Variants in KCNN1 observed in about 807,000 individuals in gnomAD.
The protein encoded by KCNN1 is small conductance calcium-activated potassium channel protein 1.
Under a neutral mutation model 44.7 loss-of-function variants are expected in KCNN1, and 20 were observed. The observed-to-expected ratio is 0.45, with a 90% confidence interval of 0.32 to 0.65. The LOEUF (loss-of-function observed/expected upper bound fraction) is 0.65. KCNN1 is among the 30% of genes least tolerant of loss of function. The pLI is 0.05. For synonymous variants in KCNN1, 324 were observed against 341.7 expected (o/e 0.95, Z 0.57); for missense variants, 632 against 785.3 (o/e 0.80, Z 2.33).
intron 3 of KCNN1, among the ~76,000 whole-genome samples, chr19:17,977,313 T>C (rs906459598): frequency 6.6e-5 from 10 of 151,932 alleles, no homozygotes; most frequent in Non-Finnish European, 1.5e-4. Context: ...CCAGTCATTA[T>C]TGGATTAGGG....
intron 7 of KCNN1, among the ~76,000 whole-genome samples, chr19:17,992,006 T>C (rs542063400): frequency 6.6e-6 from 1 of 152,228 alleles, no homozygotes; most frequent in Non-Finnish European, 1.5e-5. Context: ...AATTTTAAAT[T>C]TGCTAACAGC....
rs747434042 is a variant in KCNN1, at chr19:17,960,821, G to A, written c.-82+6140G>A. 1.6e-4 allele frequency among the ~76,000 whole-genome samples: 25 copies of A among 151,840 alleles called. 1 individual carries two copies. The highest frequency in any genetic ancestry group is 1.5e-5 in the Non-Finnish European group (1 of 67,968). On this transcript the variant is annotated intron_variant, in intron 2 of 10. Coordinates refer to the KCNN1 transcript ENST00000222249. Reference sequence around the variant, plus strand: ...CTTTGGCTGTGTCACCCCCACCTCTGTCTCTGTTTTCACATGACCTTCTCC... The same window carrying A: ...CTTTGGCTGTGTCACCCCCACCTCTATCTCTGTTTTCACATGACCTTCTCC...
rs773831134 is a variant in KCNN1 at position 17,988,482 on chromosome 19, A to G, written c.1127A>G (p.Lys376Arg). The G allele has an allele frequency of 1.2e-6, 2 of 1,613,834 alleles. No individual in the cohort carries two copies. Among genetic ancestry groups the G allele is most frequent in the South Asian group, 2.2e-5 (2 of 91,042 alleles). ...ARKLELTKAEKHVHNFMMDTQ... is the reference protein window; with the variant it reads ...ARKLELTKAERHVHNFMMDTQ... The stretch of plus-strand genomic sequence containing the variant: ...AAGCTGGAGCTCACCAAGGCTGAGA[A>G]GCACGTGCACAACTTCATGATGGAC... The change falls in exon 6 of 10, where the codon AAG (lysine) becomes AGG (arginine). Residue 376 changes from lysine to arginine, a missense_variant. Coordinates refer to ENST00000684775, the MANE Select transcript of KCNN1 (RefSeq NM_001386974.1).
intron 1 of KCNN1, among the ~76,000 whole-genome samples, chr19:17,954,014 T>C (rs1453244839): frequency 6.6e-6 from 1 of 152,098 alleles, no homozygotes; most frequent in Non-Finnish European, 1.5e-5. Context: ...GAAAGACAGA[T>C]AAAGCATTCA....
chr19:17,967,286 C>T lies in KCNN1; in HGVS notation c.-113C>T, dbSNP rs1400716862. On this transcript the variant is annotated 5_prime_UTR_variant, in exon 1 of 10. Transcript: ENST00000684775. ...CCGCGCGGGACCCTCTCCCCTCCAG[C>T]CTTGTCCGCCCGCTCGGGCCGAGCC... 4.1e-6 allele frequency: 4 copies of T among 985,376 alleles called. No individual in the cohort carries two copies. The highest frequency in any genetic ancestry group is 4.6e-5 in the South Asian group (1 of 21,690). 61.0% of individuals were successfully genotyped at this position (985,376 alleles called of 1,614,324 possible).
upstream of KCNN1, among the ~76,000 whole-genome samples, chr19:17,964,558 G>A (rs2031754073): frequency 6.6e-6 from 1 of 152,242 alleles, no homozygotes; most frequent in Non-Finnish European, 1.5e-5. The surrounding 1 kb of genome is among the most constrained non-coding windows in gnomAD (Gnocchi z 4.3). Flanking sequence ...CTGCCTGACA[G>A]GCTCACTTGC....
intron 1 of KCNN1, among the ~76,000 whole-genome samples, chr19:17,967,892 T>A (rs1057413710): frequency 7.2e-5 from 11 of 151,806 alleles, no homozygotes; most frequent in African/African-American, 2.7e-4. Context: ...GGAGGCAGCC[T>A]CCAGGAGAGC....
Position 17,989,849 on chromosome 19 carries a change from T to C in KCNN1, c.1298+6T>C. 2 of 1,612,494 alleles carry C rather than the reference T, an allele frequency of 1.2e-6. No homozygotes were observed. Among genetic ancestry groups the C allele is most frequent in the Non-Finnish European group, 1.7e-6 (2 of 1,179,198 alleles). On this transcript the variant is annotated splice_donor_region_variant and intron_variant, in intron 7 of 9. Transcript: ENST00000684775. ...TTCCTCCAAGCCATCCATCAGTAAG[T>C]CCAGCACCTTTCCAGCTCACGTTTC...
chr19:17,982,161 C>G, intron 4 of KCNN1, 34 bp downstream of exon 4: 1 of 1,461,306 alleles, frequency 6.8e-7, no homozygotes, highest in Non-Finnish European at 9.1e-7. Flanking sequence ...CCCCCAGCCC[C>G]CAGCCCCCGT....
chr19:17,952,090 T>A (rs2031424719), intron 1 of KCNN1: 1 of 152,128 alleles, frequency 6.6e-6, no homozygotes, highest in South Asian at 2.1e-4. Context: ...ATTCCATCCC[T>A]GCTTTAGAGG....
At chr19:17,979,462 G>C (rs1164634954) in intron 3 of KCNN1, among the ~76,000 whole-genome samples, 1 of 134,812 alleles carries the variant, frequency 7.4e-6, no homozygotes, top group African/African-American at 2.8e-5. Flanking sequence ...AAAGGAAGGA[G>C]TTAGAGGCTC....
Position 17,998,344 on chromosome 19 carries a change from G to T in KCNN1, c.1570G>T (p.Asp524Tyr). ...LPPRPGPGPQ[D>Y]QAARSSPCRW... ...TCCCAGGCCCGGCCCCGGCCCCCAA[G>T]ACCAGGCAGCCCGGAGCTCCCCCTG... is the stretch of plus-strand genomic sequence containing the variant. The change falls in exon 10 of 10, where the codon GAC (aspartate) becomes TAC (tyrosine). Residue 524 changes from aspartate to tyrosine, a missense_variant. Physicochemically the swap from Asp to Tyr is radical, Grantham distance 160 (BLOSUM62 -3). Transcript: ENST00000684775. This position sits in a 1 kb window ranked among gnomAD's most constrained non-coding sequence, Gnocchi z 5.4. 6.6e-7 allele frequency: 1 copy of T among 1,521,462 alleles called. No individual in the cohort carries two copies. The highest frequency in any genetic ancestry group is 1.2e-5 in the South Asian group (1 of 83,044). 94.2% of individuals were successfully genotyped at this position (1,521,462 alleles called of 1,614,324 possible).
upstream of KCNN1, among the ~76,000 whole-genome samples, chr19:17,965,760 C>T (rs997440988): frequency 2.6e-5 from 4 of 152,144 alleles, no homozygotes; most frequent in Non-Finnish European, 4.4e-5. Flanking sequence ...TATCCAACCC[C>T]GCCTGGTACC....
chr19:17,962,523 T>C (rs958697432), upstream of KCNN1, among the ~76,000 whole-genome samples: 3 of 151,896 alleles, frequency 2.0e-5, no homozygotes, highest in African/African-American at 7.3e-5. Flanking sequence ...TGCCTTAGAG[T>C]ACAAGTCCTG....
In KCNN1 at chr19:17,988,420, T is replaced by C; in HGVS notation, c.1065T>C (p.Ala355=). 6.2e-7 allele frequency: 1 copy of C among 1,611,726 alleles called. No homozygotes were observed. Among genetic ancestry groups the C allele is most frequent in the Non-Finnish European group, 8.5e-7 (1 of 1,179,002 alleles). Residue 355 remains alanine (A), a synonymous_variant, in exon 6 of 10, where the codon GCT becomes GCC. Transcript: ENST00000684775. The part of the protein sequence containing the change: ...GVCLLTGIMG[A]GCTALVVAVV... Reference sequence around the variant, plus strand: ...CCCCTCTGCCCTGCACACAGGGAGCTGGCTGTACCGCGCTCGTGGTGGCTG... The same window carrying C: ...CCCCTCTGCCCTGCACACAGGGAGCCGGCTGTACCGCGCTCGTGGTGGCTG...
At chr19:17,986,788 C>T (rs1362836601) in intron 5 of KCNN1, among the ~76,000 whole-genome samples, 6 of 150,448 alleles carry the variant, frequency 4.0e-5, no homozygotes, top group African/African-American at 1.5e-4. Flanking sequence ...TAAGCAACTG[C>T]ACCTGGCCCA....
At position 18,000,043 on chromosome 19, in the gene KCNN1, G is replaced by A. The variant is rs547835767; in HGVS notation, c.*1637G>A. 29 of 455,926 alleles carry A rather than the reference G, an allele frequency of 6.4e-5. No homozygotes were observed. The highest frequency in any genetic ancestry group is 4.3e-4 in the South Asian group (28 of 64,554). The allele number at this position is 455,926 out of a possible 1,614,324, so 28.2% of individuals were successfully genotyped here. ...CTAAAAAGGGCCAGGCAACTGGTAGGTGCTCAATAAATGCTCCTTCCCGCC... is the reference window on the plus strand; with the variant it reads ...CTAAAAAGGGCCAGGCAACTGGTAGATGCTCAATAAATGCTCCTTCCCGCC... On this transcript the variant is annotated 3_prime_UTR_variant, in exon 10 of 10. Transcript: ENST00000684775.
chr19:17,965,102 T>C (rs541954528), upstream of KCNN1, among the ~76,000 whole-genome samples: 73 of 151,892 alleles, frequency 4.8e-4, no homozygotes, highest in African/African-American at 1.7e-3. Flanking sequence ...CCGTCTCTAC[T>C]AAAATTACAA....
chr19:17,955,518 G>A (rs2031520204), intron 2 of KCNN1, among the ~76,000 whole-genome samples: 1 of 140,880 alleles, frequency 7.1e-6, no homozygotes, highest in Non-Finnish European at 1.5e-5. Context: ...CCGAGATTGT[G>A]CCATTGCACT....
Sources: gnomAD v4.1 joint callset for allele counts (sites outside exome capture counted in the v4.1 genomes callset) on GRCh38, gnomAD v4.1.1 for gene constraint, Gnocchi (gnomAD v3.1) non-coding constraint, MANE v1.5 for transcripts, NCBI Gene and HGNC (gene_info 2026-07-23, HGNC 2026-07-21) for gene names.